Variants in CDKAL1 observed in about 807,000 individuals in gnomAD.
The protein encoded by CDKAL1 is threonylcarbamoyladenosine tRNA methylthiotransferase.
CDKAL1 carries 32 observed loss-of-function variants against 68.2 expected under a neutral mutation model. The observed-to-expected ratio is 0.47, with a 90% CI of 0.35 to 0.63. The LOEUF (loss-of-function observed/expected upper bound fraction) is 0.63, where lower values mean the gene tolerates loss of function less well. CDKAL1 is among the 30% of genes least tolerant of loss of function. The pLI is 0.00. For missense variants in CDKAL1, 606 were observed against 696.7 expected (o/e 0.87, Z 1.47); for synonymous variants, 234 against 244.3 (o/e 0.96, Z 0.39).
intron 11 of CDKAL1, among the ~76,000 whole-genome samples, chr6:21,022,713 A>G (rs572404299): frequency 5.3e-5 from 8 of 152,130 alleles, no homozygotes; most frequent in Non-Finnish European, 1.0e-4. Flanking sequence ...CTGTGCTCAG[A>G]CTTCAGTCTC....
chr6:21,117,732 A>G (rs1198760972), intron 13 of CDKAL1, among the ~76,000 whole-genome samples: 2 of 152,190 alleles, frequency 1.3e-5, no homozygotes, highest in East Asian at 3.8e-4. Context: ...TATACATTCC[A>G]CTTGGGCAAA....
intron 12 of CDKAL1, among the ~76,000 whole-genome samples, chr6:21,068,470 A>T (rs1169944543): frequency 6.6e-6 from 1 of 152,062 alleles, no homozygotes; most frequent in Admixed American, 6.6e-5. Context: ...ATTTGAGTCA[A>T]TGCAGTTTAT....
chr6:20,703,267 G>A (rs894230096), intron 5 of CDKAL1, among the ~76,000 whole-genome samples: 8 of 152,202 alleles, frequency 5.3e-5, no homozygotes, highest in African/African-American at 1.9e-4. Flanking sequence ...AAGTTTTATC[G>A]GAACAGAGTT....
chr6:21,096,608 A>G (rs907132915), intron 12 of CDKAL1, among the ~76,000 whole-genome samples: 2 of 152,176 alleles, frequency 1.3e-5, no homozygotes, highest in African/African-American at 4.8e-5. Context: ...CTCTAACATA[A>G]CTTCCTTTTT....
chr6:20,571,936 T>A (rs1249322749), intron 4 of CDKAL1, among the ~76,000 whole-genome samples: 1 of 152,112 alleles, frequency 6.6e-6, no homozygotes, highest in African/African-American at 2.4e-5. Context: ...TTCTGGAAAA[T>A]TGAAATTTTT....
intron 14 of CDKAL1, among the ~76,000 whole-genome samples, chr6:21,199,355 G>A (rs1778596780): frequency 6.6e-6 from 1 of 152,178 alleles, no homozygotes; most frequent in Non-Finnish European, 1.5e-5. Context: ...GGTGGAGACT[G>A]CAGTTGAGGA....
chr6:21,164,091 G>A (rs925910767), intron 13 of CDKAL1, among the ~76,000 whole-genome samples: 7 of 151,856 alleles, frequency 4.6e-5, no homozygotes, highest in African/African-American at 1.7e-4. Context: ...ACTAAATGCT[G>A]GTCCAGGATG....
At chr6:20,966,500 C>T (rs145621861) in intron 10 of CDKAL1, among the ~76,000 whole-genome samples, 12 of 152,240 alleles carry the variant, frequency 7.9e-5, no homozygotes, top group Non-Finnish European at 1.2e-4. Flanking sequence ...TCAGAGGATG[C>T]TGCATGTAGG....
At chr6:20,871,597 C>T (rs1327443719) in intron 9 of CDKAL1, among the ~76,000 whole-genome samples, 1 of 152,032 alleles carries the variant, frequency 6.6e-6, no homozygotes, top group Non-Finnish European at 1.5e-5. Context: ...TTAATAAAAG[C>T]GCTTAGCAAC....
chr6:21,122,901 C>T (rs1467231984), intron 13 of CDKAL1, among the ~76,000 whole-genome samples: 2 of 150,664 alleles, frequency 1.3e-5, no homozygotes, highest in African/African-American at 4.9e-5. Flanking sequence ...CACCTTGGCC[C>T]TTCAAAATAA....
At chr6:21,000,528 A>T (rs1192536080) in intron 11 of CDKAL1, among the ~76,000 whole-genome samples, 156 bp downstream of exon 11, 1 of 144,456 alleles carries the variant, frequency 6.9e-6, no homozygotes, top group Non-Finnish European at 1.6e-5. Flanking sequence ...GGCACCTTTG[A>T]TGTGGTTTTT....
chr6:21,125,699 C>CA (rs1774971632), intron 13 of CDKAL1, among the ~76,000 whole-genome samples: 2 of 152,164 alleles, frequency 1.3e-5, no homozygotes, highest in South Asian at 2.1e-4. Context: ...AACAAACAAA[C>CA]AAAAAACCTC....
At chr6:20,955,609 A>C (rs1253585879) in intron 10 of CDKAL1, 24 bp downstream of exon 10, 2 of 1,609,944 alleles carry the variant, frequency 1.2e-6, no homozygotes, top group East Asian at 2.2e-5. Context: ...CCCTATTTGC[A>C]TGCTAACATA....
intron 9 of CDKAL1, among the ~76,000 whole-genome samples, chr6:20,904,509 G>A: frequency 6.6e-6 from 1 of 152,036 alleles, no homozygotes; most frequent in East Asian, 1.9e-4. Flanking sequence ...CTACATGTGG[G>A]TCTGGCACGG....
intron 6 of CDKAL1, among the ~76,000 whole-genome samples, chr6:20,743,133 G>A (rs954548427): frequency 6.6e-6 from 1 of 152,144 alleles, no homozygotes; most frequent in African/African-American, 2.4e-5. Flanking sequence ...TTTAAATTCA[G>A]TGACTTGGGA....
intron 13 of CDKAL1, among the ~76,000 whole-genome samples, chr6:21,171,213 A>G (rs928420841): frequency 2.0e-4 from 31 of 152,090 alleles, no homozygotes; most frequent in African/African-American, 7.2e-4. Context: ...TATTGCATAC[A>G]AGTTACTTCT....
chr6:20,574,701 G>C (rs772219139), intron 4 of CDKAL1, among the ~76,000 whole-genome samples: 2 of 151,908 alleles, frequency 1.3e-5, no homozygotes, highest in Non-Finnish European at 2.9e-5. Flanking sequence ...TTTTTGTTTG[G>C]GGCTCTTGCT....
chr6:20,663,480 T>A (rs1752343469), intron 5 of CDKAL1, among the ~76,000 whole-genome samples: 5 of 152,100 alleles, frequency 3.3e-5, no homozygotes, highest in Admixed American at 3.3e-4. Flanking sequence ...TTCAGAACAT[T>A]TAAGAAATGA....
Position 20,546,445 on chromosome 6 carries a change from A to G in CDKAL1, c.95A>G (p.Lys32Arg). The stretch of plus-strand genomic sequence containing the variant: ...CCACAAGATAGGCATTTTGTAAGAA[A>G]GGATGTTGTCCCGAAGGTACGAAGG... ...SKPQDRHFVR[K>R]DVVPKVRRRN... is the part of the protein sequence containing the mutation. The change falls in exon 3 of 16, where the codon AAG (lysine) becomes AGG (arginine). Residue 32 changes from lysine (K) to arginine (R), a missense_variant. Coordinates refer to ENST00000274695, the MANE Select transcript of CDKAL1 (RefSeq NM_017774.3). 6.2e-7 allele frequency: 1 copy of G among 1,614,154 alleles called. No homozygotes were observed.
Sources: allele counts gnomAD v4.1 joint callset (sites outside exome capture counted in the v4.1 genomes callset), GRCh38; gene constraint gnomAD v4.1.1; transcripts MANE v1.5; gene names NCBI Gene and HGNC (gene_info 2026-07-23, HGNC 2026-07-21).